SYNPO2: variants seen among roughly 807,000 people sequenced by gnomAD.
SYNPO2 encodes synaptopodin-2.
Under a neutral mutation model 85.0 loss-of-function variants are expected in SYNPO2, and 56 were observed. The ratio of observed to expected loss-of-function variants is 0.66; its 90% CI spans 0.53 to 0.82. The LOEUF (loss-of-function observed/expected upper bound fraction) is 0.82. Among genes scored for constraint, SYNPO2 ranks in the 40% least tolerant of loss-of-function variants. SYNPO2 has a pLI of 0.00. For missense variants in SYNPO2, 1,575 were observed against 1,534.2 expected, an observed-to-expected ratio of 1.03 and a Z score of -0.44; for synonymous variants, 602 against 591.1, an observed-to-expected ratio of 1.02 and a Z score of -0.27.
chr4:118,931,093 G>A (rs1281657979), intron 1 of SYNPO2, among the ~76,000 whole-genome samples: 2 of 151,876 alleles, frequency 1.3e-5, no homozygotes, highest in Non-Finnish European at 2.9e-5. Flanking sequence ...ACTGAGATGT[G>A]AAAATACTAT....
Position 119,031,896 on chromosome 4 carries a change from T to C in SYNPO2, c.3121T>C (p.Ser1041Pro). 1.9e-6 allele frequency: 3 copies of C among 1,614,216 alleles called. No individual in the cohort carries two copies. Among genetic ancestry groups the C allele is most frequent in the South Asian group, 1.1e-5 (1 of 91,086 alleles). ...TCCTCCTTCCTTCTTTGCAGAGGCC[T>C]CCTCACCAGTCAGTGCATCCCCAGT... ...TSPPSFFAEASSPVSASPVPV... is the reference protein window; with the variant it reads ...TSPPSFFAEAPSPVSASPVPV... Residue 1041 changes from serine to proline, a missense_variant, in exon 4 of 5, where the codon TCC (serine) becomes CCC (proline). Ser to Pro is a moderately conservative substitution (Grantham distance 74). Transcript: ENST00000307142.
At chr4:118,900,123 G>A (rs960081860) in intron 1 of SYNPO2, among the ~76,000 whole-genome samples, 6 of 152,148 alleles carry the variant, frequency 3.9e-5, no homozygotes, top group African/African-American at 1.4e-4. Context: ...CTAGTTAAAT[G>A]TGCTATTATG....
At chr4:119,039,673 T>C (rs1738645866) in intron 4 of SYNPO2, among the ~76,000 whole-genome samples, 2 of 152,160 alleles carry the variant, frequency 1.3e-5, no homozygotes, top group African/African-American at 4.8e-5. Context: ...CAGCATCACA[T>C]ATTACCAGAG....
Position 118,879,104 on chromosome 4 carries a change from G to C in SYNPO2, c.12+28164G>C, listed in dbSNP as rs115916039. Among the ~76,000 whole-genome samples, 1,372 of 152,248 alleles carry C rather than the reference G, an allele frequency of 9.0e-3. 20 individuals carry two copies. The highest frequency in any genetic ancestry group is 0.031 in the African/African-American group (1,301 of 41,546). On this transcript the variant is annotated intron_variant, in intron 1 of 4. Transcript: ENST00000610556. ...AGGTGTGCCACTTCACTCCTGAAGT[G>C]AACAAGACCACAGAACTCGCCAGAA... is the stretch of plus-strand genomic sequence containing the variant.
intron 1 of SYNPO2, among the ~76,000 whole-genome samples, chr4:118,941,092 A>G (rs1162539085): frequency 2.0e-5 from 3 of 152,150 alleles, no homozygotes; most frequent in African/African-American, 7.2e-5. Flanking sequence ...GTCGACTTTC[A>G]TGTCTAACAG....
chr4:118,927,706 A>AGAT (rs1169986026), intron 1 of SYNPO2, among the ~76,000 whole-genome samples: 3 of 73,180 alleles, frequency 4.1e-5, no homozygotes, highest in South Asian at 4.2e-4. Flanking sequence ...TGAGATAGAT[A>AGAT]GATAGATAGA....
intron 4 of SYNPO2, among the ~76,000 whole-genome samples, chr4:119,047,868 G>A (rs1022692036): frequency 6.6e-6 from 1 of 152,178 alleles, no homozygotes; most frequent in Non-Finnish European, 1.5e-5. Context: ...TTCCTAACAC[G>A]TACTTGCAGT....
At chr4:118,988,453 A>C (rs747967923) in intron 1 of SYNPO2, among the ~76,000 whole-genome samples, 1 of 152,188 alleles carries the variant, frequency 6.6e-6, no homozygotes, top group African/African-American at 2.4e-5. Flanking sequence ...CAGCAGGTTG[A>C]GCAAAACCTA....
chr4:118,981,929 A>G lies in SYNPO2; in HGVS notation c.106-41501A>G, dbSNP rs146800187. 3.0e-4 allele frequency among the ~76,000 whole-genome samples: 45 copies of G among 152,318 alleles called. 1 individual carries two copies. In the East Asian group the frequency reaches 8.3e-3, roughly 28 times the overall value. On this transcript the variant is annotated intron_variant, in intron 1 of 4. Coordinates refer to ENST00000307142, the MANE Select transcript of SYNPO2 (RefSeq NM_133477.3). Reference sequence around the variant, plus strand: ...CTGGACGGAAACCCAGTTTGCGTTCAGAGGAAAATAGTTGACTATTCTCAG... The same window carrying G: ...CTGGACGGAAACCCAGTTTGCGTTCGGAGGAAAATAGTTGACTATTCTCAG...
At chr4:118,890,411 G>C (rs978312786) in intron 1 of SYNPO2, among the ~76,000 whole-genome samples, 2 of 152,172 alleles carry the variant, frequency 1.3e-5, no homozygotes, top group Non-Finnish European at 2.9e-5. Flanking sequence ...GCCCAGAGAT[G>C]TTAAGTAACT....
rs1560874302 is a variant in SYNPO2, at chr4:118,927,749, TG to T, written c.105+38609del. Among the ~76,000 whole-genome samples, 449 of 117,314 alleles carry T rather than the reference TG, an allele frequency of 3.8e-3. 7 individuals are homozygous for T. Among genetic ancestry groups the T allele is most frequent in the African/African-American group, 0.011 (340 of 30,096 alleles). The allele number at this position is 117,314 out of a possible 152,430, so 77.0% of individuals were successfully genotyped here. A position where few individuals can be genotyped will look rare whatever the true frequency, so the allele number is the denominator to read the frequency against. Reference sequence around the variant, plus strand: ...ATAGATAGATAGATAGATAGATAGATGATAGATAGATATATAGATAGATAGA... The same window carrying T: ...ATAGATAGATAGATAGATAGATAGATATAGATAGATATATAGATAGATAGA... On this transcript the variant is annotated intron_variant, in intron 1 of 4. Coordinates refer to ENST00000307142, the MANE Select transcript of SYNPO2 (RefSeq NM_133477.3).
intron 1 of SYNPO2, among the ~76,000 whole-genome samples, chr4:118,938,157 A>G (rs1283121765): frequency 6.6e-6 from 1 of 152,090 alleles, no homozygotes; most frequent in African/African-American, 2.4e-5. Flanking sequence ...ACAAAAAATT[A>G]GCCAGGCGGT....
At chr4:118,962,888 T>C (rs990789203) in intron 1 of SYNPO2, among the ~76,000 whole-genome samples, 2 of 152,210 alleles carry the variant, frequency 1.3e-5, no homozygotes, top group Non-Finnish European at 2.9e-5. Context: ...GTCTGTAATG[T>C]TCAGAATCTG....
chr4:118,955,615 C>T (rs1055120640), intron 1 of SYNPO2, among the ~76,000 whole-genome samples: 2 of 151,998 alleles, frequency 1.3e-5, no homozygotes, highest in East Asian at 1.9e-4. Flanking sequence ...AGGTTTGAGC[C>T]GAAATATACA....
chr4:118,966,724 ACC>A (rs1560921314), intron 1 of SYNPO2, among the ~76,000 whole-genome samples: 1 of 151,452 alleles, frequency 6.6e-6, no homozygotes, highest in African/African-American at 2.4e-5. Context: ...CAAGTGAAAG[ACC>A]CCCCTCCCCT....
chr4:118,967,323 A>G (rs1294860964), intron 1 of SYNPO2, among the ~76,000 whole-genome samples: 2 of 152,180 alleles, frequency 1.3e-5, no homozygotes, highest in Non-Finnish European at 2.9e-5. Flanking sequence ...GAGCCACCTG[A>G]TAACTCTACA....
intron 1 of SYNPO2, among the ~76,000 whole-genome samples, chr4:118,922,988 A>G (rs1733588999): frequency 6.6e-6 from 1 of 152,182 alleles, no homozygotes; most frequent in Admixed American, 6.5e-5. Context: ...GACAAAGTAA[A>G]TCTTTAAAAT....
intron 1 of SYNPO2, among the ~76,000 whole-genome samples, chr4:118,989,285 G>A (rs1355838375): frequency 6.6e-6 from 1 of 152,192 alleles, no homozygotes; most frequent in Admixed American, 6.5e-5. Context: ...CTTGAGAGGA[G>A]GTGTTCATCT....
intron 1 of SYNPO2, among the ~76,000 whole-genome samples, chr4:118,935,250 A>G (rs1326568235): frequency 6.6e-6 from 1 of 152,192 alleles, no homozygotes; most frequent in East Asian, 1.9e-4. Context: ...CTTTTGCAAA[A>G]TAACTTTAAC....
Sources: allele counts gnomAD v4.1 joint callset (sites outside exome capture counted in the v4.1 genomes callset), GRCh38; gene constraint gnomAD v4.1.1; transcripts MANE v1.5; gene names NCBI Gene and HGNC (gene_info 2026-07-23, HGNC 2026-07-21).